The following JMJD1C variants were observed in gnomAD, a reference collection of about 807,000 sequenced individuals.
JMJD1C encodes jumonji domain containing 1C.
In JMJD1C, 31 loss-of-function variants were observed where a neutral mutation model predicts 245.3. That is an observed-to-expected ratio of 0.13 (90% CI 0.09 to 0.17). The LOEUF is 0.17. JMJD1C is among the 10% of genes least tolerant of loss of function. The pLI is 1.00. For synonymous variants in JMJD1C, 1,057 were observed against 1,017.4 expected (o/e 1.04, Z -0.74); for missense variants, 2,691 against 3,000.2 (o/e 0.90, Z 2.41).
intron 2 of JMJD1C, among the ~76,000 whole-genome samples, chr10:63,288,036 C>T (rs888401594): frequency 6.6e-6 from 1 of 152,094 alleles, no homozygotes; most frequent in African/African-American, 2.4e-5. Context: ...TGAGCCACTG[C>T]GCCCAGCTAA....
At chr10:63,272,979 A>T (rs929204537) in intron 2 of JMJD1C, among the ~76,000 whole-genome samples, 1 of 152,242 alleles carries the variant, frequency 6.6e-6, no homozygotes, top group African/African-American at 2.4e-5. Flanking sequence ...TTAGTAACAC[A>T]AATGTACTAA....
intron 1 of JMJD1C, among the ~76,000 whole-genome samples, chr10:63,423,875 T>C (rs1262603851): frequency 6.6e-6 from 1 of 152,216 alleles, no homozygotes; most frequent in East Asian, 1.9e-4. Flanking sequence ...CACAGTGGTT[T>C]TGATTTACAT....
At chr10:63,169,778 G>T (rs891460152) in intron 24 of JMJD1C, among the ~76,000 whole-genome samples, 20 of 152,140 alleles carry the variant, frequency 1.3e-4, no homozygotes, top group African/African-American at 4.8e-4. Context: ...CAGCATTTCT[G>T]TACAGTCTCA....
At chr10:63,512,098 ATTCAT>A (rs1435012597) in intron 1 of JMJD1C, among the ~76,000 whole-genome samples, 1 of 152,228 alleles carries the variant, frequency 6.6e-6, no homozygotes, top group Non-Finnish European at 1.5e-5. Context: ...CATTGCTGTC[ATTCAT>A]TTCACTTATA....
chr10:63,169,586 T>C (rs905572109), intron 24 of JMJD1C, among the ~76,000 whole-genome samples: 3 of 152,150 alleles, frequency 2.0e-5, no homozygotes, highest in Non-Finnish European at 2.9e-5. Context: ...CCAGAGGGGC[T>C]AGAATTCCTC....
At chr10:63,291,693 T>C (rs1364067956) in intron 2 of JMJD1C, among the ~76,000 whole-genome samples, 2 of 151,590 alleles carry the variant, frequency 1.3e-5, no homozygotes, top group Non-Finnish European at 2.9e-5. Context: ...ACAGGCATGA[T>C]CACAGTGCAC....
At chr10:63,364,473 GATTT>G (rs994772131) in intron 2 of JMJD1C, among the ~76,000 whole-genome samples, 4 of 152,036 alleles carry the variant, frequency 2.6e-5, no homozygotes, top group African/African-American at 9.7e-5. Flanking sequence ...ATCTTGGTGC[GATTT>G]TGGAGGAAGC....
intron 3 of JMJD1C, among the ~76,000 whole-genome samples, chr10:63,247,583 A>G (rs1852382803): frequency 6.6e-6 from 1 of 151,862 alleles, no homozygotes; most frequent in Non-Finnish European, 1.5e-5. Context: ...TCTACAAAAC[A>G]TACAAAATGT....
intron 8 of JMJD1C, among the ~76,000 whole-genome samples, chr10:63,210,114 G>A (rs941378146): frequency 2.0e-5 from 3 of 151,814 alleles, no homozygotes; most frequent in Non-Finnish European, 4.4e-5. Flanking sequence ...ATACACTATA[G>A]CCATAAACCC....
chr10:63,236,331 C>A (rs1317331619), intron 3 of JMJD1C, among the ~76,000 whole-genome samples: 1 of 151,980 alleles, frequency 6.6e-6, no homozygotes, highest in African/African-American at 2.4e-5. Context: ...GTATAAGGTC[C>A]GCTCCTCTCA....
chr10:63,282,094 C>T (rs34736861), intron 2 of JMJD1C, among the ~76,000 whole-genome samples: 4,130 of 152,068 alleles, frequency 0.027, 88 homozygotes, highest in Middle Eastern at 0.044. Context: ...AATAAGACAC[C>T]TTTTTTGCAC....
intron 1 of JMJD1C, among the ~76,000 whole-genome samples, chr10:63,423,338 AT>A (rs1213232309): frequency 6.6e-6 from 1 of 152,048 alleles, no homozygotes; most frequent in Admixed American, 6.6e-5. Context: ...ATCTCCCCCC[AT>A]CCCCTGGTAA....
At chr10:63,492,119 G>C (rs1263097025) in intron 1 of JMJD1C, among the ~76,000 whole-genome samples, 4 of 151,840 alleles carry the variant, frequency 2.6e-5, no homozygotes, top group African/African-American at 9.7e-5. Flanking sequence ...CTGCACCCTC[G>C]ACCTCCTGGG....
rs71463516 is a variant in JMJD1C, at chr10:63,349,100, CAAAAAAAAAAAAA to C, written c.333+31205_333+31217del. Reference sequence around the variant, plus strand: ...TGGGTGACAGAGTGAGACTCTGTCTCAAAAAAAAAAAAAAAAAAAAAAAAAAGCCTTCCCTCTC... The same window carrying C: ...TGGGTGACAGAGTGAGACTCTGTCTCAAAAAAAAAAAAAGCCTTCCCTCTC... On this transcript the variant is annotated intron_variant, in intron 2 of 25. Transcript: ENST00000399262. 2.6e-4 allele frequency among the ~76,000 whole-genome samples: 9 copies of C among 34,870 alleles called. 1 individual carries two copies. Among genetic ancestry groups the C allele is most frequent in the Non-Finnish European group, 3.8e-4 (8 of 21,184 alleles). The allele number at this position is 34,870 out of a possible 152,430, so 22.9% of individuals were successfully genotyped here.
At chr10:63,303,799 G>GTAA (rs1348122590) in intron 2 of JMJD1C, among the ~76,000 whole-genome samples, 1 of 152,122 alleles carries the variant, frequency 6.6e-6, no homozygotes, top group Non-Finnish European at 1.5e-5. Context: ...TTCTGTCACA[G>GTAA]TAATAGCTCA....
chr10:63,207,714 G>A lies in JMJD1C; in HGVS notation c.3955C>T (p.Pro1319Ser). 1 of 1,614,124 alleles carries A rather than the reference G, an allele frequency of 6.2e-7. No homozygotes were observed. The highest frequency in any genetic ancestry group is 8.5e-7 in the Non-Finnish European group (1 of 1,180,004). The change falls in exon 10 of 26, where the codon CCA (proline) becomes TCA (serine). Residue 1319 changes from proline to serine, a missense_variant. This residue lies in a region of JMJD1C where 1,562 missense variants were observed against 1,490.7 expected (regional missense o/e 1.05). Coordinates refer to ENST00000399262, the MANE Select transcript of JMJD1C (RefSeq NM_032776.3). ...TCTTTAGAAGCTAACTGCATTGCTG[G>A]CATACTATCAGTTTTTGTACTAGAA... ...PSSSTKTDSM[P>S]AMQLASKDRV...
chr10:63,517,925 T>C (rs1157285445), intron 1 of JMJD1C, among the ~76,000 whole-genome samples: 2 of 151,780 alleles, frequency 1.3e-5, no homozygotes, highest in Admixed American at 1.3e-4. Context: ...GCCAAGTAGC[T>C]GGGATTACAG....
At chr10:63,262,910 T>C (rs767976750) in intron 3 of JMJD1C, among the ~76,000 whole-genome samples, 3 of 152,198 alleles carry the variant, frequency 2.0e-5, no homozygotes, top group Non-Finnish European at 4.4e-5. Flanking sequence ...AAGAGTTTAT[T>C]TTTAAAAGTA....
In JMJD1C at chr10:63,208,255, T is replaced by C; in HGVS notation, c.3414A>G (p.Ser1138=). 1.2e-6 allele frequency: 2 copies of C among 1,614,108 alleles called. No individual in the cohort carries two copies. The highest frequency in any genetic ancestry group is 1.1e-5 in the South Asian group (1 of 91,076). ...GAGGCTTTGAAAGAGATGTTATAAA[T>C]GAAGTCAGAGTTTGAGGATTAGCTG... is the stretch of plus-strand genomic sequence containing the variant. ...AAAANPQTLT[S]FITSLSKPPP... Residue 1138 remains serine (S), a synonymous_variant, in exon 10 of 26, where the codon TCA becomes TCG. Coordinates refer to ENST00000399262, the MANE Select transcript of JMJD1C (RefSeq NM_032776.3).
Sources: allele counts gnomAD v4.1 joint callset (sites outside exome capture counted in the v4.1 genomes callset), GRCh38; gene constraint gnomAD v4.1.1; regional missense constraint gnomAD v4.1.1; transcripts MANE v1.5; gene names NCBI Gene and HGNC (gene_info 2026-07-23, HGNC 2026-07-21).